Variants in HOXC5 observed in about 807,000 individuals in gnomAD.
HOXC5 encodes homeobox protein Hox-C5.
A neutral mutation model predicts 20.1 loss-of-function variants in HOXC5; 19 were observed. The observed-to-expected ratio is 0.94, with a 90% CI of 0.66 to 1.38. The LOEUF (loss-of-function observed/expected upper bound fraction) is 1.38. HOXC5 is among the 40% of genes most tolerant of loss of function. The pLI is 0.00. For missense variants in HOXC5, 330 were observed against 300.1 expected (o/e 1.10, Z -0.74); for synonymous variants, 124 against 117.0 (o/e 1.06, Z -0.39).
At chr12:54,028,620 A>G, upstream of HOXC5, 1 of 1,614,066 alleles carries the variant, frequency 6.2e-7, no homozygotes, top group South Asian at 1.1e-5. Context: ...CCTATGATCC[A>G]GTGAGGCATT....
At chr12:54,025,530 G>C in the HOXC5 span, among the ~76,000 whole-genome samples, 57 of 42,094 alleles carry the variant, frequency 1.4e-3, no homozygotes, top group Non-Finnish European at 2.2e-3. Flanking sequence ...AGGTAATTGG[G>C]GGGGGGGGAG....
chr12:54,033,102 T>A lies in HOXC5; in HGVS notation c.-21T>A, dbSNP rs1941049352. Reference sequence around the variant, plus strand: ...CCCTTAATCAAAAAGGGTGCAGAAATTTTTTTGGGCCCTCCCCGCCATGAG... The same window carrying A: ...CCCTTAATCAAAAAGGGTGCAGAAAATTTTTTGGGCCCTCCCCGCCATGAG... On this transcript the variant is annotated 5_prime_UTR_variant, in exon 1 of 2. Transcript: ENST00000312492. The A allele has an allele frequency of 6.3e-7, 1 of 1,577,038 alleles. No individual in the cohort carries two copies. Among genetic ancestry groups the A allele is most frequent in the Non-Finnish European group, 8.6e-7 (1 of 1,161,378 alleles).
chr12:54,018,654 C>T, the HOXC5 span, among the ~76,000 whole-genome samples: 1 of 152,228 alleles, frequency 6.6e-6, no homozygotes, highest in Non-Finnish European at 1.5e-5. Flanking sequence ...CCCTGCTCCC[C>T]GGCCTGGGTC....
upstream of HOXC5, chr12:54,028,799 G>A (rs1417034120): frequency 6.2e-7 from 1 of 1,613,960 alleles, no homozygotes; most frequent in Non-Finnish European, 8.5e-7. Flanking sequence ...AACACCTTAG[G>A]ACATAACACA....
chr12:54,027,940 A>G, the HOXC5 span, among the ~76,000 whole-genome samples: 1 of 152,114 alleles, frequency 6.6e-6, no homozygotes, highest in Non-Finnish European at 1.5e-5. Flanking sequence ...ATACTAGTTT[A>G]GTGATGGGAC....
the HOXC5 span, chr12:54,021,593 G>A: frequency 6.6e-6 from 1 of 152,270 alleles, no homozygotes; most frequent in Non-Finnish European, 1.5e-5. Flanking sequence ...AGGTGATCGG[G>A]TTCCTCCCAA....
In HOXC5 at chr12:54,034,589, A is replaced by C; in HGVS notation, c.*97A>C. On this transcript the variant is annotated 3_prime_UTR_variant, in exon 2 of 2. Coordinates refer to ENST00000312492, the MANE Select transcript of HOXC5 (RefSeq NM_018953.4). ...CCTCTCTATATTTCGGGTCGGGGGC[A>C]GGTGCTGGAGCACTGGGCTCCCGGG... 1 of 1,012,352 alleles carries C rather than the reference A, an allele frequency of 9.9e-7. No homozygotes were observed. Among genetic ancestry groups the C allele is most frequent in the Non-Finnish European group, 1.5e-6 (1 of 683,010 alleles). 62.7% of individuals were successfully genotyped at this position (1,012,352 alleles called of 1,614,324 possible).
chr12:54,028,445 C>A, upstream of HOXC5: 1 of 1,477,318 alleles, frequency 6.8e-7, no homozygotes, highest in Non-Finnish European at 9.2e-7. Context: ...TCCCTATAAC[C>A]ATCTAGTTCC....
upstream of HOXC5, among the ~76,000 whole-genome samples, chr12:54,029,234 G>A (rs966358269): frequency 2.6e-5 from 4 of 152,350 alleles, no homozygotes; most frequent in African/African-American, 7.2e-5. Context: ...CTGAGGAGAA[G>A]GGAGGGGGAG....
At chr12:54,024,677 C>T in the HOXC5 span, among the ~76,000 whole-genome samples, 1 of 144,958 alleles carries the variant, frequency 6.9e-6, no homozygotes, top group Non-Finnish European at 1.5e-5. Flanking sequence ...CCCACCCTTT[C>T]CCCAGTTCAG....
chr12:54,022,847 G>A, the HOXC5 span, among the ~76,000 whole-genome samples: 1 of 152,120 alleles, frequency 6.6e-6, no homozygotes, highest in African/African-American at 2.4e-5. Context: ...TCTCAAATGG[G>A]TCCAAGCAGT....
chr12:54,017,977 C>G, the HOXC5 span, among the ~76,000 whole-genome samples: 5 of 152,304 alleles, frequency 3.3e-5, no homozygotes, highest in Non-Finnish European at 5.9e-5. Context: ...GCCGGGCCGC[C>G]GAGCAGGAAG....
rs761256129 is a variant in HOXC5, at chr12:54,033,346, C to G, written c.224C>G (p.Ala75Gly). 8 of 1,612,916 alleles carry G rather than the reference C, an allele frequency of 5.0e-6. No individual in the cohort carries two copies. ...ANPRAHPDRP[A>G]CSAAAAPGHA... ...CCCCGGGCTCACCCCGACCGCCCCG[C>G]CTGCAGCGCCGCGGCCGCTCCGGGA... is the stretch of plus-strand genomic sequence containing the variant. Residue 75 changes from alanine to glycine, a missense_variant, in exon 1 of 2, where the codon GCC (alanine) becomes GGC (glycine). Transcript: ENST00000312492.
At chr12:54,023,548 G>A in the HOXC5 span, among the ~76,000 whole-genome samples, 2 of 152,112 alleles carry the variant, frequency 1.3e-5, no homozygotes, top group Non-Finnish European at 2.9e-5. Flanking sequence ...AATCACCAGC[G>A]CAGGCCTTGG....
chr12:54,020,108 C>T, the HOXC5 span: 1 of 152,408 alleles, frequency 6.6e-6, no homozygotes, highest in East Asian at 1.9e-4. Context: ...GAGGACCCAC[C>T]AGTGGCAACT....
At chr12:54,024,425 G>T in the HOXC5 span, among the ~76,000 whole-genome samples, 73 of 152,306 alleles carry the variant, frequency 4.8e-4, 1 homozygote, top group East Asian at 0.014. Flanking sequence ...GTGTGCGAGG[G>T]TTGGTGAGTT....
chr12:54,031,882 A>G (rs1466199673), upstream of HOXC5, among the ~76,000 whole-genome samples: 1 of 152,104 alleles, frequency 6.6e-6, no homozygotes, highest in East Asian at 1.9e-4. Flanking sequence ...GGTCCGCCCC[A>G]TTCCTCTTGG....
At chr12:54,033,917 G>T in intron 1 of HOXC5, 1 of 368,300 alleles carries the variant, frequency 2.7e-6, no homozygotes, top group South Asian at 2.1e-5. Flanking sequence ...AGCCGGCTCC[G>T]CCGGCGCTTG....
At chr12:54,029,815 C>A (rs1411417999), upstream of HOXC5, 1 of 1,613,970 alleles carries the variant, frequency 6.2e-7, no homozygotes, top group Admixed American at 1.7e-5. Flanking sequence ...AGATCAAAAT[C>A]TGGTTCCAGA....
Sources: allele counts gnomAD v4.1 joint callset (sites outside exome capture counted in the v4.1 genomes callset), GRCh38; gene constraint gnomAD v4.1.1; transcripts MANE v1.5; gene names NCBI Gene and HGNC (gene_info 2026-07-23, HGNC 2026-07-21).